The following KANK1 variants were observed in gnomAD, a reference collection of about 807,000 sequenced individuals.
The protein encoded by KANK1 is KN motif and ankyrin repeat domains 1.
In KANK1, 109 loss-of-function variants were observed where a neutral mutation model predicts 106.2. The observed-to-expected ratio is 1.03, with a 90% CI of 0.88 to 1.20. The LOEUF (loss-of-function observed/expected upper bound fraction) is 1.20. Ranked by LOEUF, KANK1 falls within the 50% of genes most tolerant of loss-of-function variation. KANK1 has a pLI of 0.00. For synonymous variants in KANK1, 873 were observed against 652.2 expected (o/e 1.34, Z -5.16); for missense variants, 2,399 against 1,710.7 (o/e 1.40, Z -7.10).
chr9:701,493 C>T (rs551000580), intron 2 of KANK1, among the ~76,000 whole-genome samples: 45 of 152,176 alleles, frequency 3.0e-4, no homozygotes, highest in Non-Finnish European at 5.3e-4. Flanking sequence ...TTCTCAGCCT[C>T]AGCGCTACTG....
intron 1 of KANK1, among the ~76,000 whole-genome samples, chr9:534,066 G>A (rs182756453): frequency 7.2e-5 from 11 of 152,318 alleles, no homozygotes; most frequent in Admixed American, 5.2e-4. Context: ...GGGAGAAAGG[G>A]GGGGGCAGAA....
At chr9:619,078 A>C (rs551529813) in intron 1 of KANK1, among the ~76,000 whole-genome samples, 4 of 152,352 alleles carry the variant, frequency 2.6e-5, no homozygotes, top group African/African-American at 7.2e-5. Context: ...GAAAATGGCC[A>C]TAACTAAGTA....
Position 493,934 on chromosome 9 carries a change from G to A in KANK1, c.-362+20661G>A, listed in dbSNP as rs1455609353. ...GTCTTGCTTTGTTGCCCAGGCTGGA[G>A]TGCAATGGTGCGATCTCGGCTCACC... On this transcript the variant is annotated intron_variant, in intron 3 of 15. Coordinates refer to the KANK1 transcript ENST00000382303. 2.0e-5 allele frequency among the ~76,000 whole-genome samples: 3 copies of A among 151,694 alleles called. No homozygotes were observed. In the East Asian group the frequency reaches 5.8e-4, roughly 29 times the overall value.
At chr9:662,465 G>C (rs1185922832) in intron 1 of KANK1, among the ~76,000 whole-genome samples, 1 of 152,076 alleles carries the variant, frequency 6.6e-6, no homozygotes, top group African/African-American at 2.4e-5. Context: ...CATGGTACTG[G>C]TACCAAAACA....
chr9:643,776 C>T (rs1377482811), intron 1 of KANK1, among the ~76,000 whole-genome samples: 1 of 150,294 alleles, frequency 6.7e-6, no homozygotes, highest in African/African-American at 2.5e-5. Flanking sequence ...GATCTTGGCT[C>T]ACTGCAGGCT....
rs1380884307 is a variant in KANK1, at chr9:677,382, C to T, written c.37+373C>T. Among the ~76,000 whole-genome samples the T allele has an allele frequency of 2.0e-5, 3 of 152,172 alleles. No individual in the cohort carries two copies. In the East Asian group the frequency reaches 5.8e-4, roughly 29 times the overall value. Reference sequence around the variant, plus strand: ...GCTTAAAACCAATTCCTAGTAGCCACTCCCAAGCAGCTTTTGTTTGATGTT... The same window carrying T: ...GCTTAAAACCAATTCCTAGTAGCCATTCCCAAGCAGCTTTTGTTTGATGTT... On this transcript the variant is annotated intron_variant, in intron 2 of 11. Transcript: ENST00000382297.
intron 2 of KANK1, among the ~76,000 whole-genome samples, chr9:705,609 G>C (rs1326309414): frequency 1.3e-5 from 2 of 151,570 alleles, no homozygotes; most frequent in African/African-American, 2.4e-5. Context: ...TGGGGGGGTG[G>C]GGGCGGAGAT....
At chr9:582,958 A>G (rs1434206201) in intron 1 of KANK1, among the ~76,000 whole-genome samples, 1 of 152,236 alleles carries the variant, frequency 6.6e-6, no homozygotes, top group African/African-American at 2.4e-5. Context: ...GTGACTGATA[A>G]TGTAGCCTTG....
At chr9:710,059 G>A (rs1486175972) in intron 2 of KANK1, among the ~76,000 whole-genome samples, 1 of 152,168 alleles carries the variant, frequency 6.6e-6, no homozygotes, top group Non-Finnish European at 1.5e-5. Flanking sequence ...CTACAAAAGT[G>A]GGGAAAGAGG....
At chr9:722,597 T>C (rs1286629868) in intron 3 of KANK1, among the ~76,000 whole-genome samples, 3 of 152,208 alleles carry the variant, frequency 2.0e-5, no homozygotes, top group Admixed American at 1.3e-4. Flanking sequence ...TGGGTCCTTA[T>C]CAAGTTCAGA....
At chr9:471,958 C>G (rs999829513) in intron 2 of KANK1, among the ~76,000 whole-genome samples, 3 of 152,126 alleles carry the variant, frequency 2.0e-5, no homozygotes, top group Non-Finnish European at 4.4e-5. Flanking sequence ...AAGAATAAAC[C>G]TCCGATTATT....
intron 1 of KANK1, among the ~76,000 whole-genome samples, chr9:560,577 T>G (rs1213889327): frequency 2.0e-5 from 3 of 152,208 alleles, no homozygotes; most frequent in Admixed American, 1.3e-4. Flanking sequence ...AAAGATGCAT[T>G]CACTTTGTAT....
chr9:635,715 T>TTTTTTTTTTTTG (rs1488932154), intron 1 of KANK1, among the ~76,000 whole-genome samples: 6 of 146,088 alleles, frequency 4.1e-5, no homozygotes, highest in Non-Finnish European at 7.6e-5. Flanking sequence ...TTTTTTTTTT[T>TTTTTTTTTTTTG]TGAGACGGAG....
Position 636,251 on chromosome 9 carries a change from A to G in KANK1, c.-83-40639A>G, listed in dbSNP as rs16921463. On this transcript the variant is annotated intron_variant, in intron 1 of 11. Transcript: ENST00000382297. ...TCTGCTCTTAGATCTTTATATGCAG[A>G]ACTCTCCTGGCTGAGAATTATCAGA... Among the ~76,000 whole-genome samples the G allele has an allele frequency of 6.6e-3, 1,003 of 152,246 alleles. 11 individuals carry two copies. The highest frequency in any genetic ancestry group is 0.022 in the African/African-American group (903 of 41,526).
At chr9:675,610 A>G (rs139115436) in intron 1 of KANK1, among the ~76,000 whole-genome samples, 331 of 152,220 alleles carry the variant, frequency 2.2e-3, no homozygotes, top group African/African-American at 7.7e-3. Context: ...CAAAATGAAT[A>G]TATTGCCCAA....
chr9:733,843 TG>T (rs1832963475), intron 6 of KANK1: 1 of 152,140 alleles, frequency 6.6e-6, no homozygotes, highest in Non-Finnish European at 1.5e-5. Flanking sequence ...TTGGGCACAG[TG>T]GCTCACACCC....
chr9:554,097 C>T (rs1415884890), intron 1 of KANK1, among the ~76,000 whole-genome samples: 1 of 152,146 alleles, frequency 6.6e-6, no homozygotes, highest in African/African-American at 2.4e-5. Context: ...GAAGGAGATT[C>T]ATTATAGGAA....
intron 1 of KANK1, among the ~76,000 whole-genome samples, chr9:547,963 C>G (rs2061036165): frequency 6.6e-6 from 1 of 151,666 alleles, no homozygotes; most frequent in Non-Finnish European, 1.5e-5. Context: ...TGTTTTTTTT[C>G]TTTAGGACTG....
intron 1 of KANK1, among the ~76,000 whole-genome samples, chr9:666,901 C>CTTTTT (rs35149316): frequency 7.1e-4 from 38 of 53,486 alleles, no homozygotes; most frequent in Non-Finnish European, 1.0e-3. Flanking sequence ...CTATTGTTGT[C>CTTTTT]TTTTTTTTTT....
Sources: gnomAD v4.1 joint callset for allele counts (sites outside exome capture counted in the v4.1 genomes callset) on GRCh38, gnomAD v4.1.1 for gene constraint, MANE v1.5 for transcripts, NCBI Gene and HGNC (gene_info 2026-07-23, HGNC 2026-07-21) for gene names.